SEPTIN3: variants seen among roughly 807,000 people sequenced by gnomAD.
SEPTIN3 encodes the protein neuronal-specific septin-3.
SEPTIN3 carries 15 observed loss-of-function variants against 45.1 expected under a neutral mutation model. The observed-to-expected ratio is 0.33, with a 90% CI of 0.22 to 0.51. The LOEUF (loss-of-function observed/expected upper bound fraction) is 0.51, where lower values mean the gene tolerates loss of function less well. Ranked by LOEUF, SEPTIN3 falls within the 20% of genes least tolerant of loss-of-function variation. The pLI is 0.97. For synonymous variants in SEPTIN3, 148 were observed against 164.8 expected (o/e 0.90, Z 0.78); for missense variants, 289 against 457.2 (o/e 0.63, Z 3.35).
At position 41,991,607 on chromosome 22, in the gene SEPTIN3, T is replaced by C; in HGVS notation, c.2198T>C (p.Phe733Ser). The part of the protein sequence containing the change: ...RKELEVNGIE[F>S]YPQKEFDEDL... ...GAGCTTGAAGTAAATGGCATTGAAT[T>C]CTACCCCCAGAAGGAATTTGATGAG... Residue 733 changes from phenylalanine to serine, a missense_variant, in exon 8 of 12, where the codon TTC becomes TCC. By Grantham distance (155) the Phe-to-Ser change is radical. Around this residue, in one of 3 missense-constraint regions of SEPTIN3, gnomAD observed 200 missense variants for 315.1 expected, o/e 0.63. Transcript: ENST00000644076. 1 of 1,614,040 alleles carries C rather than the reference T, an allele frequency of 6.2e-7. No individual in the cohort carries two copies. The highest frequency in any genetic ancestry group is 1.1e-5 in the South Asian group (1 of 91,082).
At chr22:41,991,512 C>A in intron 7 of SEPTIN3, 61 bp from the exon 8 acceptor site, 1 of 1,222,124 alleles carries the variant, frequency 8.2e-7, no homozygotes, top group Non-Finnish European at 1.2e-6. Flanking sequence ...CACAGGTGCA[C>A]ACACCCCTCT....
In SEPTIN3 at chr22:41,976,401, T is replaced by A. The variant is rs1451779140; in HGVS notation, c.1504+3405T>A. On this transcript the variant is annotated intron_variant, in intron 2 of 11. Coordinates refer to ENST00000644076, the MANE Select transcript of SEPTIN3 (RefSeq NM_001363845.2). The surrounding 1 kb of genome is among the most constrained non-coding windows in gnomAD (Gnocchi z 5.8). ...GCAAACTGAGGCTCAGAGAAGTTCC[T>A]GTCTGGCTCAAGGTTATTGGTTCAT... The A allele has an allele frequency of 2.0e-5, 3 of 152,326 alleles. No homozygotes were observed. Among genetic ancestry groups the A allele is most frequent in the African/African-American group, 7.2e-5 (3 of 41,464 alleles). 9.4% of individuals were successfully genotyped at this position (152,326 alleles called of 1,614,324 possible).
At chr22:41,973,074 T>G (rs2077975400) in intron 2 of SEPTIN3, 78 bp downstream of exon 2, 1 of 397,980 alleles carries the variant, frequency 2.5e-6, no homozygotes, top group Non-Finnish European at 4.4e-6. Context: ...TGGATCATGC[T>G]TGCATGGGTT....
chr22:41,992,620 A>T, intron 8 of SEPTIN3, 44 bp from the exon 9 acceptor site: 2 of 1,327,056 alleles, frequency 1.5e-6, no homozygotes, highest in Non-Finnish European at 2.1e-6. Context: ...TTGTTGGAGG[A>T]TGACGGTGCA....
At chr22:41,974,354 A>G (rs922610904) in intron 2 of SEPTIN3, among the ~76,000 whole-genome samples, 2 of 151,966 alleles carry the variant, frequency 1.3e-5, no homozygotes, top group Non-Finnish European at 2.9e-5. Context: ...GTGGATCACG[A>G]GGTGAGTTGT....
Position 41,982,087 on chromosome 22 carries a change from C to T in SEPTIN3, c.1696+251C>T, listed in dbSNP as rs1011381377. On this transcript the variant is annotated intron_variant, in intron 3 of 11. Coordinates refer to ENST00000644076, the MANE Select transcript of SEPTIN3 (RefSeq NM_001363845.2). The stretch of plus-strand genomic sequence containing the variant: ...GCTCGGTGTACACAGGCAGCCCCTT[C>T]ACCACTCTGATCCTGCTTTTGGGTT... 29 of 518,246 alleles carry T rather than the reference C, an allele frequency of 5.6e-5. No homozygotes were observed. In the Admixed American group the frequency reaches 9.4e-4, roughly 17 times the overall value. 32.1% of individuals were successfully genotyped at this position (518,246 alleles called of 1,614,324 possible). A position where few individuals can be genotyped will look rare whatever the true frequency, so the allele number is the denominator to read the frequency against.
intron 2 of SEPTIN3, chr22:41,981,264 A>G (rs1045755783): frequency 1.1e-5 from 2 of 180,204 alleles, no homozygotes; most frequent in Non-Finnish European, 2.3e-5. Context: ...GGTGCCACTA[A>G]TCATCCTGTA....
chr22:41,992,667 G>A lies in SEPTIN3; in HGVS notation c.2263G>A (p.Glu755Lys). 1 of 1,600,580 alleles carries A rather than the reference G, an allele frequency of 6.2e-7. No individual in the cohort carries two copies. ...DKTENDKIRQ[E>K]SMPFAVVGSD... ...TTTGTGTTTCTGCCCCGTGCAGCAG[G>A]AGAGCATGCCTTTTGCTGTGGTGGG... The change falls in exon 9 of 12, where the codon GAG (glutamate) becomes AAG (lysine). Residue 755 changes from glutamate (E) to lysine (K), a missense_variant. By Grantham distance (56) the Glu-to-Lys change is moderately conservative (BLOSUM62 1). This residue lies in a region of SEPTIN3 where 5 missense variants were observed against 27.3 expected (regional missense o/e 0.18). Coordinates refer to ENST00000644076, the MANE Select transcript of SEPTIN3 (RefSeq NM_001363845.2).
rs555574403 is a variant in SEPTIN3 at position 41,995,146 on chromosome 22, C to T, written c.2505+432C>T. The T allele has an allele frequency of 2.6e-4, 276 of 1,067,620 alleles. No individual in the cohort carries two copies. In the South Asian group the frequency reaches 3.3e-3, roughly 13 times the overall value. The allele number at this position is 1,067,620 out of a possible 1,614,324, so 66.1% of individuals were successfully genotyped here. A position where few individuals can be genotyped will look rare whatever the true frequency, so the allele number is the denominator to read the frequency against. On this transcript the variant is annotated intron_variant, in intron 11 of 11. Coordinates refer to ENST00000644076, the MANE Select transcript of SEPTIN3 (RefSeq NM_001363845.2). ...GGTGAGCCACAGGCAACTCTTCTCT[C>T]GGAACCTGCACACAAACTGGGGCTA...
At chr22:41,993,058 G>A (rs774722923) in intron 9 of SEPTIN3, among the ~76,000 whole-genome samples, 38 of 152,218 alleles carry the variant, frequency 2.5e-4, no homozygotes, top group Non-Finnish European at 4.7e-4. Context: ...TAGGAAGGGG[G>A]ATGTGATCTG....
In SEPTIN3 at chr22:41,972,826, CAGCCACTGGGA is replaced by C. The variant is rs1284000456; in HGVS notation, c.1337_1347del (p.Ala446AspfsTer7). 2 of 399,052 alleles carry C rather than the reference CAGCCACTGGGA, an allele frequency of 5.0e-6. No individual in the cohort carries two copies. Among genetic ancestry groups the C allele is most frequent in the Non-Finnish European group, 8.8e-6 (2 of 226,156 alleles). The allele number at this position is 399,052 out of a possible 1,614,324, so 24.7% of individuals were successfully genotyped here. A position where few individuals can be genotyped will look rare whatever the true frequency, so the allele number is the denominator to read the frequency against. On this transcript the variant is annotated frameshift_variant, in exon 2 of 12. Transcript: ENST00000644076. LOFTEE classifies it high-confidence loss of function. Reference sequence around the variant, plus strand: ...TCAGTTGTGCCAGTAACCCCAGACCCAGCCACTGGGAAGACCACACTGGGCAGTGTTAATAA... The same window carrying C: ...TCAGTTGTGCCAGTAACCCCAGACCCAGACCACACTGGGCAGTGTTAATAA...
At chr22:41,974,926 C>CGCTTTAGGAAGTTGTGATTT (rs1236811755) in intron 2 of SEPTIN3, among the ~76,000 whole-genome samples, 2 of 147,184 alleles carry the variant, frequency 1.4e-5, no homozygotes, top group Admixed American at 6.8e-5. Context: ...TACTGACTAG[C>CGCTTTAGGAAGTTGTGATTT]GCTTTAGGAA....
At chr22:41,985,493 C>T (rs984988131) in intron 3 of SEPTIN3, 5 of 158,174 alleles carry the variant, frequency 3.2e-5, no homozygotes, top group African/African-American at 1.2e-4. Context: ...ATTCATCTCT[C>T]TAGGACCATC....
At position 41,981,658 on chromosome 22, in the gene SEPTIN3, C is replaced by G; in HGVS notation, c.1518C>G (p.Thr506=). 1 of 1,612,900 alleles carries G rather than the reference C, an allele frequency of 6.2e-7. No individual in the cohort carries two copies. The highest frequency in any genetic ancestry group is 8.5e-7 in the Non-Finnish European group (1 of 1,179,794). The part of the protein sequence containing the change: ...LATEYKGLPE[T]RTDAAMSELV... The stretch of plus-strand genomic sequence containing the variant: ...TTGGCTCTGCAGGGCTCCCAGAGAC[C>G]AGGACGGACGCAGCCATGTCAGAGC... Residue 506 remains threonine (T), a synonymous_variant, in exon 3 of 12, where the codon ACC becomes ACG. Coordinates refer to ENST00000644076, the MANE Select transcript of SEPTIN3 (RefSeq NM_001363845.2).
intron 9 of SEPTIN3, 59 bp downstream of exon 9, chr22:41,992,822 A>G (rs56234624): frequency 0.28 from 331,097 of 1,166,036 alleles, 50,792 homozygotes; most frequent in Admixed American, 0.42. Flanking sequence ...GTCACCATTT[A>G]TTAAGCATCT....
At position 41,994,883 on chromosome 22, in the gene SEPTIN3, C is replaced by CTGTGCG; in HGVS notation, c.2505+173_2505+174insCGTGTG. 3.0e-6 allele frequency: 4 copies of CTGTGCG among 1,342,222 alleles called. No individual in the cohort carries two copies. 83.1% of individuals were successfully genotyped at this position (1,342,222 alleles called of 1,614,324 possible). ...GTCTGGTATTTGTGGAGCATCTTGT[C>CTGTGCG]TGTGTGTGTGTGTGTGTGTGTGTGT... On this transcript the variant is annotated intron_variant, in intron 11 of 11. Transcript: ENST00000644076. This position sits in a 1 kb window ranked among gnomAD's most constrained non-coding sequence, Gnocchi z 4.2.
At chr22:41,981,536 A>G (rs1234974792) in intron 2 of SEPTIN3, 109 bp from the exon 3 acceptor site, 20 of 913,758 alleles carry the variant, frequency 2.2e-5, no homozygotes, top group Non-Finnish European at 3.1e-5. Context: ...GATCCCTTCC[A>G]GGCCCAACTT....
intron 9 of SEPTIN3, among the ~76,000 whole-genome samples, chr22:41,993,502 C>A (rs927115764): frequency 6.6e-6 from 1 of 151,824 alleles, no homozygotes; most frequent in African/African-American, 2.4e-5. Flanking sequence ...TTTATTTATC[C>A]CCAAAAATTA....
chr22:41,985,930 G>C lies in SEPTIN3; in HGVS notation c.1697-54G>C, dbSNP rs576969753. ...TCTGTAAGCTTATGGAGAAATATTA[G>C]GCTCAGGAGGTGGATGCAGAGTCTC... On this transcript the variant is annotated intron_variant, in intron 3 of 11. Coordinates refer to ENST00000644076, the MANE Select transcript of SEPTIN3 (RefSeq NM_001363845.2). 1.8e-4 allele frequency: 270 copies of C among 1,541,462 alleles called. 7 individuals carry two copies. In the South Asian group the frequency reaches 3.2e-3, roughly 18 times the overall value.
Sources: allele counts gnomAD v4.1 joint callset (sites outside exome capture counted in the v4.1 genomes callset), GRCh38; gene constraint gnomAD v4.1.1; regional missense constraint gnomAD v4.1.1; non-coding constraint Gnocchi (gnomAD v3.1); transcripts MANE v1.5; gene names NCBI Gene and HGNC (gene_info 2026-07-23, HGNC 2026-07-21).